Variants in ADGRL3 observed in about 807,000 individuals in gnomAD.
ADGRL3 encodes the protein calcium-independent alpha-latrotoxin receptor 3.
Under a neutral mutation model 153.5 loss-of-function variants are expected in ADGRL3, and 62 were observed. The ratio of observed to expected loss-of-function variants is 0.40; its 90% CI spans 0.33 to 0.50. ADGRL3 has a LOEUF of 0.50. Among genes scored for constraint, ADGRL3 ranks in the 20% least tolerant of loss-of-function variants. The pLI is 0.47. For synonymous variants in ADGRL3, 710 were observed against 672.5 expected (o/e 1.06, Z -0.86); for missense variants, 1,641 against 1,859.4 (o/e 0.88, Z 2.16).
At chr4:62,051,152 G>T in intron 25 of ADGRL3, among the ~76,000 whole-genome samples, 1 of 101,352 alleles carries the variant, frequency 9.9e-6, no homozygotes, top group African/African-American at 3.8e-5. Flanking sequence ...TATACACAAA[G>T]AACGTGTGTG....
intron 1 of ADGRL3, among the ~76,000 whole-genome samples, chr4:61,244,385 T>G (rs926638103): frequency 6.6e-6 from 1 of 152,064 alleles, no homozygotes; most frequent in Non-Finnish European, 1.5e-5. Context: ...AACTGAATTT[T>G]CTTTCTCCAT....
At chr4:61,997,600 T>C (rs189424715) in intron 20 of ADGRL3, among the ~76,000 whole-genome samples, 264 of 152,282 alleles carry the variant, frequency 1.7e-3, no homozygotes, top group African/African-American at 6.2e-3. Flanking sequence ...TGTTTTTCTG[T>C]TTTGTTTTGT....
rs189381594 is a variant in ADGRL3 at position 61,232,690 on chromosome 4, G to A, written c.-240+30925G>A. Among the ~76,000 whole-genome samples, 76 of 152,044 alleles carry A rather than the reference G, an allele frequency of 5.0e-4. 1 individual carries two copies. The highest frequency in any genetic ancestry group is 2.7e-3 in the Admixed American group (41 of 15,274). On this transcript the variant is annotated intron_variant, in intron 1 of 26. Coordinates refer to ENST00000683033, the MANE Select transcript of ADGRL3 (RefSeq NM_001387552.1). ...AGCACTTGCTATTATTATTATTGTCGCAGGATTGTTACAAGGATTAAGACA... is the reference window on the plus strand; with the variant it reads ...AGCACTTGCTATTATTATTATTGTCACAGGATTGTTACAAGGATTAAGACA...
At chr4:61,829,106 G>C (rs180828374) in intron 9 of ADGRL3, among the ~76,000 whole-genome samples, 38 of 152,228 alleles carry the variant, frequency 2.5e-4, no homozygotes, top group Non-Finnish European at 3.5e-4. Context: ...ATTTCTTCTG[G>C]ATGATTTGTA....
At chr4:61,542,595 C>T (rs1412835521) in intron 4 of ADGRL3, among the ~76,000 whole-genome samples, 1 of 152,020 alleles carries the variant, frequency 6.6e-6, no homozygotes, top group Non-Finnish European at 1.5e-5. Flanking sequence ...ATTTTATCTG[C>T]CTTTTTTTTT....
chr4:61,936,946 A>G (rs1259927171), intron 15 of ADGRL3, among the ~76,000 whole-genome samples: 1 of 152,174 alleles, frequency 6.6e-6, no homozygotes, highest in Non-Finnish European at 1.5e-5. Flanking sequence ...TTGATAAATG[A>G]TATCAAGAAA....
At chr4:61,706,665 C>T (rs1311772278) in intron 6 of ADGRL3, among the ~76,000 whole-genome samples, 2 of 152,108 alleles carry the variant, frequency 1.3e-5, no homozygotes, top group African/African-American at 4.8e-5. Context: ...TTTCTCTCAG[C>T]CTTCATACAA....
Position 62,070,902 on chromosome 4 carries a change from T to C in ADGRL3, c.4626T>C (p.Ser1542=), listed in dbSNP as rs1470036923. The C allele has an allele frequency of 1.3e-6, 2 of 1,542,668 alleles. No homozygotes were observed. The highest frequency in any genetic ancestry group is 1.8e-6 in the Non-Finnish European group (2 of 1,142,280). ...SSKGPAHLVT[S]L ...AAGGACCGGCTCATTTGGTCACTAG[T>C]CTATAGAAGATGACACAGAAATTGG... Residue 1542 remains serine, a synonymous_variant, in exon 27 of 27, where the codon AGT becomes AGC. Transcript: ENST00000683033.
chr4:61,659,897 C>CAAAAAA (rs566191178), intron 5 of ADGRL3, among the ~76,000 whole-genome samples: 2 of 109,082 alleles, frequency 1.8e-5, no homozygotes, highest in Admixed American at 1.1e-4. Flanking sequence ...GTGAAGATTA[C>CAAAAAA]AAAAAAAAAA....
chr4:62,003,183 C>G (rs918146080), intron 21 of ADGRL3, among the ~76,000 whole-genome samples: 3 of 151,990 alleles, frequency 2.0e-5, no homozygotes, highest in Admixed American at 1.3e-4. Flanking sequence ...TGTATCCGTC[C>G]CTTTGCGCCT....
At chr4:61,477,599 G>A (rs187810727) in intron 2 of ADGRL3, among the ~76,000 whole-genome samples, 1 of 152,222 alleles carries the variant, frequency 6.6e-6, no homozygotes, top group East Asian at 1.9e-4. Flanking sequence ...TGAGACATTT[G>A]GCTAATGTGG....
intron 2 of ADGRL3, among the ~76,000 whole-genome samples, chr4:61,432,576 T>TTCTTTC (rs2097371301): frequency 5.7e-4 from 1 of 1,748 alleles, no homozygotes; most frequent in Non-Finnish European, 3.9e-3. Flanking sequence ...TTCTCTTCCT[T>TTCTTTC]TCTTTCTTTC....
intron 5 of ADGRL3, among the ~76,000 whole-genome samples, chr4:61,660,741 T>A (rs1023658712): frequency 9.9e-5 from 15 of 152,242 alleles, no homozygotes; most frequent in African/African-American, 3.4e-4. Context: ...ATTTTTACAG[T>A]GCTAAGAGGT....
intron 3 of ADGRL3, among the ~76,000 whole-genome samples, chr4:61,503,402 C>G (rs2098405380): frequency 6.6e-6 from 1 of 151,962 alleles, no homozygotes; most frequent in South Asian, 2.1e-4. Context: ...GTGGTGGACT[C>G]TGACTTCTGT....
intron 8 of ADGRL3, among the ~76,000 whole-genome samples, chr4:61,807,373 C>T (rs1213993294): frequency 6.6e-6 from 1 of 150,636 alleles, no homozygotes; most frequent in African/African-American, 2.4e-5. Context: ...ATGCTTGCTA[C>T]AATAGATATT....
intron 2 of ADGRL3, among the ~76,000 whole-genome samples, chr4:61,484,957 A>G (rs1463981481): frequency 6.6e-6 from 1 of 152,228 alleles, no homozygotes; most frequent in African/African-American, 2.4e-5. Context: ...TAAACTTACC[A>G]TGTTAGCTAT....
In ADGRL3 at chr4:61,844,575, A is replaced by AATATATATATAT. The variant is rs57750929; in HGVS notation, c.1480+30697_1480+30708dup. On this transcript the variant is annotated intron_variant, in intron 9 of 26. Coordinates refer to ENST00000683033, the MANE Select transcript of ADGRL3 (RefSeq NM_001387552.1). ...AAAAAAAAAAAAAAAAAAAAAAAAA[A>AATATATATATAT]ATATATATATATATATATATATTTA... is the stretch of plus-strand genomic sequence containing the variant. 6.1e-3 allele frequency among the ~76,000 whole-genome samples: 110 copies of AATATATATATAT among 18,104 alleles called. 1 individual carries two copies. The highest frequency in any genetic ancestry group is 0.021 in the East Asian group (6 of 282). 11.9% of individuals were successfully genotyped at this position (18,104 alleles called of 152,430 possible).
At chr4:62,022,565 G>A (rs906469672) in intron 21 of ADGRL3, among the ~76,000 whole-genome samples, 1 of 152,070 alleles carries the variant, frequency 6.6e-6, no homozygotes, top group African/African-American at 2.4e-5. Flanking sequence ...TGGCTTCAAG[G>A]CTTCTAATCC....
At chr4:61,677,279 A>C (rs2095227065) in intron 6 of ADGRL3, 2 of 302,740 alleles carry the variant, frequency 6.6e-6, no homozygotes, top group Non-Finnish European at 1.3e-5. Context: ...TGAGCAATAC[A>C]ATTTTATATG....
Sources: gnomAD v4.1 joint callset for allele counts (sites outside exome capture counted in the v4.1 genomes callset) on GRCh38, gnomAD v4.1.1 for gene constraint, MANE v1.5 for transcripts, NCBI Gene and HGNC (gene_info 2026-07-23, HGNC 2026-07-21) for gene names.